NUP98: variants seen among roughly 807,000 people sequenced by gnomAD.
The protein encoded by NUP98 is nuclear pore complex protein Nup98-Nup96.
NUP98 carries 26 observed loss-of-function variants against 191.9 expected under a neutral mutation model. The ratio of observed to expected loss-of-function variants is 0.14; its 90% CI spans 0.10 to 0.19. The LOEUF is 0.19. NUP98 is among the 10% of genes least tolerant of loss of function. NUP98 has a pLI of 1.00. For missense variants in NUP98, 1,941 were observed against 2,178.8 expected, an observed-to-expected ratio of 0.89 and a Z score of 2.17; for synonymous variants, 808 against 778.4, an observed-to-expected ratio of 1.04 and a Z score of -0.63.
chr11:3,736,622 T>C (rs1043453167), intron 12 of NUP98, among the ~76,000 whole-genome samples: 1 of 152,190 alleles, frequency 6.6e-6, no homozygotes, highest in Non-Finnish European at 1.5e-5. Context: ...AGCGAGACTC[T>C]GCCTCAAACA....
At chr11:3,753,515 A>G in intron 10 of NUP98, 107 bp from the exon 11 acceptor site, 1 of 808,496 alleles carries the variant, frequency 1.2e-6, no homozygotes, top group Non-Finnish European at 2.0e-6. Flanking sequence ...TGAACCTTTC[A>G]GTTAATATTT....
intron 20 of NUP98, chr11:3,712,245 G>C: frequency 8.9e-7 from 1 of 1,123,014 alleles, no homozygotes; most frequent in Middle Eastern, 3.7e-4. Context: ...TACTGTGCAT[G>C]AACCCACATG....
At chr11:3,791,520 C>T (rs770876740) in intron 1 of NUP98, among the ~76,000 whole-genome samples, 26 of 110,574 alleles carry the variant, frequency 2.4e-4, no homozygotes, top group Non-Finnish European at 4.0e-4. Context: ...GGGGAAAGAC[C>T]GAGACCTCGT....
At chr11:3,699,032 T>A (rs1202814927) in intron 25 of NUP98, 50 bp downstream of exon 25, 4 of 1,595,550 alleles carry the variant, frequency 2.5e-6, no homozygotes, top group African/African-American at 1.3e-5. Flanking sequence ...TAGGAGGCAG[T>A]GAGTAGGAAG....
Position 3,683,301 on chromosome 11 carries a change from C to T in NUP98, c.4817G>A (p.Arg1606Gln), listed in dbSNP as rs370531376. The change falls in exon 30 of 33, where the codon CGA becomes CAA. Residue 1606 changes from arginine (R) to glutamine (Q), a missense_variant. This residue lies in a region of NUP98 where 1,030 missense variants were observed against 1,115.8 expected (regional missense o/e 0.92). Coordinates refer to ENST00000324932, the MANE Select transcript of NUP98 (RefSeq NM_016320.5). ...AKWIHEAKAV[R>Q]AHMESDKHLE... ...GTGCTTGTCAGATTCCATGTGTGCT[C>T]GCACAGCTTTGGCCTCGTGGATCCA... 32 of 1,614,036 alleles carry T rather than the reference C, an allele frequency of 2.0e-5. No individual in the cohort carries two copies. The highest frequency in any genetic ancestry group is 1.6e-4 in the Middle Eastern group (1 of 6,084).
chr11:3,697,783 TC>T, intron 25 of NUP98, among the ~76,000 whole-genome samples: 1 of 125,460 alleles, frequency 8.0e-6, no homozygotes, highest in East Asian at 2.5e-4. Flanking sequence ...TCCACTGCAC[TC>T]CAGCAGTCTG....
At chr11:3,701,926 A>G (rs2134110772) in intron 23 of NUP98, among the ~76,000 whole-genome samples, 1 of 151,448 alleles carries the variant, frequency 6.6e-6, no homozygotes, top group Admixed American at 6.6e-5. Flanking sequence ...TGACCTCGTG[A>G]TCCGCCCATC....
At chr11:3,719,879 C>T (rs1378994735) in intron 17 of NUP98, among the ~76,000 whole-genome samples, 2 of 151,870 alleles carry the variant, frequency 1.3e-5, no homozygotes, top group Admixed American at 1.3e-4. Flanking sequence ...CCCACCTCAC[C>T]CTCCCAAGTA....
At chr11:3,718,169 G>A (rs1475930825) in intron 18 of NUP98, among the ~76,000 whole-genome samples, 3 of 152,152 alleles carry the variant, frequency 2.0e-5, no homozygotes, top group African/African-American at 4.8e-5. Context: ...ACGCTTAGTA[G>A]AATTCACCAA....
At chr11:3,718,451 G>A (rs774697205) in intron 18 of NUP98, among the ~76,000 whole-genome samples, 2 of 151,932 alleles carry the variant, frequency 1.3e-5, no homozygotes, top group African/African-American at 2.4e-5. Context: ...CAGGAGAATC[G>A]CTTGAACCCA....
In NUP98 at chr11:3,686,094, T is replaced by C. The variant is rs753411291; in HGVS notation, c.4555A>G (p.Asn1519Asp). The C allele has an allele frequency of 1.2e-6, 2 of 1,614,178 alleles. No individual in the cohort carries two copies. Among genetic ancestry groups the C allele is most frequent in the Admixed American group, 3.3e-5 (2 of 60,020 alleles). The change falls in exon 29 of 33, where the codon AAC (asparagine) becomes GAC (aspartate). Residue 1519 changes from asparagine (N) to aspartate (D), a missense_variant. This residue lies in a region of NUP98 where 1,030 missense variants were observed against 1,115.8 expected (regional missense o/e 0.92). Coordinates refer to ENST00000324932, the MANE Select transcript of NUP98 (RefSeq NM_016320.5). ...WHLWEVLRAL[N>D]YTHLSAQCEG... ...CACTGCGCTGAGAGATGGGTGTAGT[T>C]AAGAGCCCTCAGCACTTCCCACAAG...
intron 14 of NUP98, among the ~76,000 whole-genome samples, chr11:3,729,715 CAAAA>C (rs755816362): frequency 0.013 from 469 of 37,382 alleles, 11 homozygotes; most frequent in African/African-American, 0.037. Context: ...ACTCTTGCCT[CAAAA>C]AAAAAAAAAA....
chr11:3,765,052 T>C (rs2081292516), intron 8 of NUP98, among the ~76,000 whole-genome samples: 1 of 152,226 alleles, frequency 6.6e-6, no homozygotes, highest in African/African-American at 2.4e-5. Context: ...TGAGTTATTG[T>C]CTTACTACTG....
intron 8 of NUP98, among the ~76,000 whole-genome samples, chr11:3,764,709 GCTGGAA>G (rs1440709873): frequency 5.3e-5 from 8 of 152,248 alleles, no homozygotes; most frequent in African/African-American, 1.9e-4. Context: ...CCCCTGAGTA[GCTGGAA>G]CTACAGGTGG....
chr11:3,792,977 G>C (rs1315954257), intron 1 of NUP98, among the ~76,000 whole-genome samples: 1 of 152,070 alleles, frequency 6.6e-6, no homozygotes, highest in Admixed American at 6.6e-5. Flanking sequence ...CCAGCGTGGT[G>C]ATGTGCACCT....
chr11:3,736,358 ATTAAG>A (rs1189116959), intron 12 of NUP98, among the ~76,000 whole-genome samples: 2 of 152,198 alleles, frequency 1.3e-5, no homozygotes, highest in Admixed American at 6.5e-5. Flanking sequence ...CGTGTCCAAT[ATTAAG>A]TTAATAGTTG....
chr11:3,726,211 TAAAAA>T (rs970588985), intron 14 of NUP98, among the ~76,000 whole-genome samples: 1 of 146,028 alleles, frequency 6.8e-6, no homozygotes, highest in Non-Finnish European at 1.5e-5. Context: ...AACAAAAACA[TAAAAA>T]AAAAGAGTTG....
chr11:3,788,826 C>T (rs1019642715), intron 1 of NUP98, among the ~76,000 whole-genome samples: 1 of 148,788 alleles, frequency 6.7e-6, no homozygotes, highest in Admixed American at 6.7e-5. Context: ...GCATGCCTGT[C>T]ATCCCAGCTA....
At chr11:3,723,131 TA>T in intron 16 of NUP98, 25 bp downstream of exon 16, 3 of 1,604,744 alleles carry the variant, frequency 1.9e-6, no homozygotes, top group Non-Finnish European at 2.6e-6. Context: ...GGTAAGAGAT[TA>T]AACATGCACC....
Sources: allele counts gnomAD v4.1 joint callset (sites outside exome capture counted in the v4.1 genomes callset), GRCh38; gene constraint gnomAD v4.1.1; regional missense constraint gnomAD v4.1.1; transcripts MANE v1.5; gene names NCBI Gene and HGNC (gene_info 2026-07-23, HGNC 2026-07-21).